The following RERE variants were observed in gnomAD, a reference collection of about 807,000 sequenced individuals.
RERE encodes the protein arginine-glutamic acid dipeptide repeats, also known as arginine-glutamic acid dipeptide repeats protein.
In RERE, 40 loss-of-function variants were observed where a neutral mutation model predicts 146.1. The observed-to-expected ratio is 0.27, with a 90% CI of 0.21 to 0.36. The LOEUF is 0.36. Among genes scored for constraint, RERE ranks in the 10% least tolerant of loss-of-function variants. The probability of loss-of-function intolerance (pLI) is 1.00; values close to 1 mark genes in which losing one functional copy is unlikely to be tolerated. For missense variants in RERE, 1,933 were observed against 2,138.7 expected (o/e 0.90, Z 1.90); for synonymous variants, 1,003 against 866.0 (o/e 1.16, Z -2.78).
chr1:8,465,967 A>G lies in RERE; in HGVS notation c.1161T>C (p.Pro387=). 3 of 1,614,130 alleles carry G rather than the reference A, an allele frequency of 1.9e-6. No individual in the cohort carries two copies. The highest frequency in any genetic ancestry group is 2.2e-5 in the South Asian group (2 of 91,090). The change falls in exon 11 of 23, where the codon CCT becomes CCC. Residue 387 remains proline, a synonymous_variant. Transcript: ENST00000400908. ...GKALQRLVKK[P]VPKLIEKCWT... The stretch of plus-strand genomic sequence containing the variant: ...AGCACTTCTCGATGAGCTTGGGCAC[A>G]GGCTTCTTCACCAGGCGCTGCAGGG...
rs375315413 is a variant in RERE at position 8,403,873 on chromosome 1, C to T, written c.1284+18854G>A. ...TGAGATGGGAGTCTCACTCTGTCAC[C>T]AGGCTGGAGTGCAGTGGTGCCATCT... On this transcript the variant is annotated intron_variant, in intron 12 of 22. Coordinates refer to ENST00000400908, the MANE Select transcript of RERE (RefSeq NM_001042681.2). Among the ~76,000 whole-genome samples, 24 of 117,390 alleles carry T rather than the reference C, an allele frequency of 2.0e-4. No individual in the cohort carries two copies. The Admixed American group carries it at 2.9e-3, about 14-fold the overall frequency. 77.0% of individuals were successfully genotyped at this position (117,390 alleles called of 152,430 possible). A position where few individuals can be genotyped will look rare whatever the true frequency, so the allele number is the denominator to read the frequency against.
intron 6 of RERE, among the ~76,000 whole-genome samples, chr1:8,552,039 G>A (rs1178032952): frequency 1.3e-5 from 2 of 152,178 alleles, no homozygotes; most frequent in Non-Finnish European, 2.9e-5. Context: ...GGATAGCTAA[G>A]GTCAAGAATT....
chr1:8,480,438 A>G (rs1472441335), intron 10 of RERE, among the ~76,000 whole-genome samples: 2 of 108,918 alleles, frequency 1.8e-5, no homozygotes, highest in African/African-American at 7.2e-5. Context: ...AGGCCCGGAA[A>G]TTTTTTTTTT....
At chr1:8,377,133 G>A (rs1243692922) in intron 12 of RERE, among the ~76,000 whole-genome samples, 2 of 152,134 alleles carry the variant, frequency 1.3e-5, no homozygotes, top group Non-Finnish European at 2.9e-5. Context: ...CAAAGATTGA[G>A]GCCACTGCAA....
chr1:8,498,025 T>C (rs1350440470), intron 8 of RERE, among the ~76,000 whole-genome samples: 1 of 152,218 alleles, frequency 6.6e-6, no homozygotes, highest in Non-Finnish European at 1.5e-5. Flanking sequence ...ATATAAGTCA[T>C]GGTCAATACC....
rs766622238 is a variant in RERE, at chr1:8,354,231, G to C, written c.*856C>G. On this transcript the variant is annotated 3_prime_UTR_variant, in exon 23 of 23. Coordinates refer to ENST00000400908, the MANE Select transcript of RERE (RefSeq NM_001042681.2). ...AAAATGGAAGAGGTCTGATGGAGCA[G>C]ATGTCTGTGCTGCTGGCAGAGCACA... 4 of 152,584 alleles carry C rather than the reference G, an allele frequency of 2.6e-5. No individual in the cohort carries two copies. The highest frequency in any genetic ancestry group is 5.9e-5 in the Non-Finnish European group (4 of 68,044). The allele number at this position is 152,584 out of a possible 1,614,324, so 9.5% of individuals were successfully genotyped here. A position where few individuals can be genotyped will look rare whatever the true frequency, so the allele number is the denominator to read the frequency against.
intron 11 of RERE, among the ~76,000 whole-genome samples, chr1:8,454,281 G>A (rs925451621): frequency 5.9e-5 from 9 of 152,202 alleles, no homozygotes; most frequent in African/African-American, 1.7e-4. Flanking sequence ...GTGTGTGTAC[G>A]CACACATGCA....
chr1:8,525,332 C>T (rs1195600304), intron 7 of RERE, among the ~76,000 whole-genome samples: 1 of 152,304 alleles, frequency 6.6e-6, no homozygotes, highest in Admixed American at 6.5e-5. Context: ...GCCCACCTAC[C>T]ATCCTTCCTA....
chr1:8,708,043 G>A (rs1405649239), intron 1 of RERE, among the ~76,000 whole-genome samples: 1 of 152,066 alleles, frequency 6.6e-6, no homozygotes, highest in Non-Finnish European at 1.5e-5. Flanking sequence ...TAAAAACAGG[G>A]TTCAGTATTA....
At chr1:8,703,785 A>C (rs1346682336) in intron 1 of RERE, among the ~76,000 whole-genome samples, 1 of 152,242 alleles carries the variant, frequency 6.6e-6, no homozygotes, top group Non-Finnish European at 1.5e-5. Context: ...CTGACGTCTA[A>C]TAAATGCAGA....
At chr1:8,647,445 G>A (rs549844118) in intron 2 of RERE, among the ~76,000 whole-genome samples, 4 of 152,166 alleles carry the variant, frequency 2.6e-5, no homozygotes, top group African/African-American at 7.2e-5. Context: ...ATTAAGCTCT[G>A]CCTAAAGATG....
In RERE at chr1:8,365,689, G is replaced by GGA. The variant is rs942146923; in HGVS notation, c.1447+121_1447+122dup. On this transcript the variant is annotated intron_variant, in intron 13 of 22. Transcript: ENST00000400908. Reference sequence around the variant, plus strand: ...TTAGGTCAGGCTTCACACATGCACTGGAGCACGGGTGCACACCCCCTCATG... The same window carrying GGA: ...TTAGGTCAGGCTTCACACATGCACTGGAGAGCACGGGTGCACACCCCCTCATG... The GGA allele has an allele frequency of 3.3e-5, 36 of 1,088,398 alleles. No individual in the cohort carries two copies. In the Admixed American group the frequency reaches 5.6e-4, roughly 17 times the overall value. The allele number at this position is 1,088,398 out of a possible 1,614,324, so 67.4% of individuals were successfully genotyped here.
chr1:8,460,813 T>C (rs1644517232), intron 11 of RERE, among the ~76,000 whole-genome samples: 1 of 152,142 alleles, frequency 6.6e-6, no homozygotes, highest in African/African-American at 2.4e-5. Flanking sequence ...CGCAGCTAAG[T>C]GGATAGGAAG....
At chr1:8,735,627 A>T (rs1640179350) in intron 1 of RERE, among the ~76,000 whole-genome samples, 1 of 152,092 alleles carries the variant, frequency 6.6e-6, no homozygotes, top group African/African-American at 2.4e-5. Context: ...TCAAATTGTA[A>T]TCCCCAGTGT....
At chr1:8,705,861 A>G (rs1639546845) in intron 1 of RERE, among the ~76,000 whole-genome samples, 1 of 152,194 alleles carries the variant, frequency 6.6e-6, no homozygotes, top group African/African-American at 2.4e-5. Context: ...TCACGCCTAT[A>G]ATCCCAGCAC....
intron 1 of RERE, among the ~76,000 whole-genome samples, chr1:8,766,528 C>G (rs1640848497): frequency 8.9e-6 from 1 of 112,220 alleles, no homozygotes; most frequent in Non-Finnish European, 1.7e-5. Flanking sequence ...GCCTAGGCAA[C>G]ACAGCAAGAC....
rs60346942 is a variant in RERE at position 8,605,845 on chromosome 1, C to CTTTTTTTTTTTTTTTTTTT, written c.522+8715_522+8716insAAAAAAAAAAAAAAAAAAA. 2.0e-4 allele frequency among the ~76,000 whole-genome samples: 19 copies of CTTTTTTTTTTTTTTTTTTT among 93,220 alleles called. 4 individuals carry two copies. The highest frequency in any genetic ancestry group is 8.1e-4 in the African/African-American group (19 of 23,338). 61.2% of individuals were successfully genotyped at this position (93,220 alleles called of 152,430 possible). A position where few individuals can be genotyped will look rare whatever the true frequency, so the allele number is the denominator to read the frequency against. Reference sequence around the variant, plus strand: ...ACAAATTTAAGTGTTAAATACCAAACTTTTTTTTTTTTTTTTTGAGACAGC... The same window carrying CTTTTTTTTTTTTTTTTTTT: ...ACAAATTTAAGTGTTAAATACCAAACTTTTTTTTTTTTTTTTTTTTTTTTTTTTTTTTTTTTGAGACAGC... On this transcript the variant is annotated intron_variant, in intron 4 of 22. Coordinates refer to ENST00000400908, the MANE Select transcript of RERE (RefSeq NM_001042681.2).
intron 1 of RERE, among the ~76,000 whole-genome samples, chr1:8,794,363 A>T (rs1326214644): frequency 6.7e-6 from 1 of 149,800 alleles, no homozygotes; most frequent in Non-Finnish European, 1.5e-5. Flanking sequence ...GTCTCAAAAA[A>T]AAAAAAAAAA....
intron 8 of RERE, among the ~76,000 whole-genome samples, chr1:8,501,038 G>T (rs1288507731): frequency 1.1e-4 from 15 of 133,636 alleles, no homozygotes; most frequent in South Asian, 2.3e-4. Flanking sequence ...GGGAGGGGGG[G>T]GGGGGGTCAG....
Sources: gnomAD v4.1 joint callset for allele counts (sites outside exome capture counted in the v4.1 genomes callset) on GRCh38, gnomAD v4.1.1 for gene constraint, MANE v1.5 for transcripts, NCBI Gene and HGNC (gene_info 2026-07-23, HGNC 2026-07-21) for gene names.